The following CABLES1 variants were observed in gnomAD, a reference collection of about 807,000 sequenced individuals.
CABLES1 encodes CDK5 and ABL1 enzyme substrate 1.
CABLES1 carries 36 observed loss-of-function variants against 57.8 expected under a neutral mutation model. The observed-to-expected ratio is 0.62, with a 90% CI of 0.48 to 0.82. The LOEUF (loss-of-function observed/expected upper bound fraction) is 0.82, where lower values mean the gene tolerates loss of function less well. CABLES1 is among the 40% of genes least tolerant of loss of function. The pLI, the probability that CABLES1 is intolerant of heterozygous loss-of-function variation, is 0.00. For missense variants in CABLES1, 767 were observed against 836.6 expected (o/e 0.92, Z 1.03); for synonymous variants, 374 against 363.0 (o/e 1.03, Z -0.35).
At chr18:23,171,087 C>T (rs906244470) in intron 1 of CABLES1, among the ~76,000 whole-genome samples, 3 of 152,214 alleles carry the variant, frequency 2.0e-5, no homozygotes, top group Non-Finnish European at 1.5e-5. Flanking sequence ...TGAGCCACTG[C>T]GCCCGGCCTG....
intron 4 of CABLES1, among the ~76,000 whole-genome samples, chr18:23,216,415 CT>C (rs2145056337): frequency 6.6e-6 from 1 of 152,268 alleles, no homozygotes; most frequent in East Asian, 1.9e-4. Flanking sequence ...CGAAATGGAG[CT>C]TTTCTGGTAT....
At chr18:23,145,430 T>C (rs970437223) in intron 1 of CABLES1, among the ~76,000 whole-genome samples, 1 of 152,212 alleles carries the variant, frequency 6.6e-6, no homozygotes, top group Non-Finnish European at 1.5e-5. Context: ...CTTTGGGGGC[T>C]GTGCAAAATG....
intron 3 of CABLES1, among the ~76,000 whole-genome samples, chr18:23,212,747 G>A (rs962166215): frequency 6.6e-5 from 10 of 152,118 alleles, no homozygotes; most frequent in African/African-American, 2.4e-4. Context: ...ACGTCTGAAT[G>A]GGGAATTGGA....
chr18:23,221,513 A>G (rs1327286747), intron 4 of CABLES1, among the ~76,000 whole-genome samples: 1 of 152,198 alleles, frequency 6.6e-6, no homozygotes, highest in Non-Finnish European at 1.5e-5. Context: ...GGTACCTTAC[A>G]GGATTTCCAG....
chr18:23,156,031 T>C, intron 1 of CABLES1: 1 of 1,511,622 alleles, frequency 6.6e-7, no homozygotes. Context: ...ATGCTGACGG[T>C]CTTTGTTGGA....
At chr18:23,245,336 C>T (rs1308691909) in intron 7 of CABLES1, among the ~76,000 whole-genome samples, 2 of 152,004 alleles carry the variant, frequency 1.3e-5, no homozygotes, top group Non-Finnish European at 2.9e-5. Flanking sequence ...GGCGAAACCC[C>T]ATCTCTACCA....
At chr18:23,205,366 G>A (rs1030153600) in intron 3 of CABLES1, among the ~76,000 whole-genome samples, 2 of 151,818 alleles carry the variant, frequency 1.3e-5, no homozygotes, top group Non-Finnish European at 2.9e-5. Context: ...GCTAATTTTT[G>A]TATTTTTAGT....
intron 3 of CABLES1, among the ~76,000 whole-genome samples, chr18:23,213,756 G>A (rs956688390): frequency 6.6e-6 from 1 of 152,234 alleles, no homozygotes; most frequent in African/African-American, 2.4e-5. Context: ...CCTTGCTGGT[G>A]TCTCACATGT....
chr18:23,172,901 G>A (rs1159679257), intron 1 of CABLES1, among the ~76,000 whole-genome samples: 1 of 152,194 alleles, frequency 6.6e-6, no homozygotes, highest in African/African-American at 2.4e-5. Flanking sequence ...ACCTCGGATT[G>A]GGGTATTGTC....
At chr18:23,169,985 G>C (rs1027702751) in intron 1 of CABLES1, among the ~76,000 whole-genome samples, 5 of 152,146 alleles carry the variant, frequency 3.3e-5, no homozygotes, top group Admixed American at 6.5e-5. Flanking sequence ...CCGCGTGGGA[G>C]GGGGTAGGAT....
chr18:23,212,928 C>T (rs911260884), intron 3 of CABLES1, among the ~76,000 whole-genome samples: 14 of 152,052 alleles, frequency 9.2e-5, no homozygotes, highest in African/African-American at 3.4e-4. Flanking sequence ...TATAAAACAG[C>T]AGGATAGGAT....
intron 1 of CABLES1, among the ~76,000 whole-genome samples, chr18:23,158,854 T>A (rs1002129592): frequency 6.6e-6 from 1 of 152,346 alleles, no homozygotes. Context: ...CCTGTAGCAC[T>A]ATCTCAACAG....
At chr18:23,237,560 C>T (rs2047634348) in intron 7 of CABLES1, among the ~76,000 whole-genome samples, 1 of 152,248 alleles carries the variant, frequency 6.6e-6, no homozygotes, top group African/African-American at 2.4e-5. Flanking sequence ...GAGGACCAGG[C>T]CCATCCCTGG....
chr18:23,177,723 T>A (rs2047134984), intron 1 of CABLES1, among the ~76,000 whole-genome samples: 1 of 152,138 alleles, frequency 6.6e-6, no homozygotes, highest in South Asian at 2.1e-4. Flanking sequence ...TCAGGCCCCC[T>A]GCCATGGCCT....
chr18:23,194,014 AG>A (rs2047264229), intron 2 of CABLES1, among the ~76,000 whole-genome samples: 1 of 152,218 alleles, frequency 6.6e-6, no homozygotes, highest in South Asian at 2.1e-4. Flanking sequence ...TTGTTGCAGA[AG>A]AAAAATGATT....
intron 1 of CABLES1, among the ~76,000 whole-genome samples, chr18:23,180,893 G>A (rs2047160852): frequency 1.3e-5 from 2 of 152,176 alleles, no homozygotes; most frequent in Non-Finnish European, 2.9e-5. Context: ...CGCCCAGAAA[G>A]TCAGAGATTC....
At chr18:23,239,132 C>T (rs1019665703) in intron 7 of CABLES1, among the ~76,000 whole-genome samples, 2 of 152,196 alleles carry the variant, frequency 1.3e-5, no homozygotes, top group African/African-American at 4.8e-5. Flanking sequence ...TTCCAGGCCG[C>T]AGTATGTGTG....
chr18:23,154,073 A>G (rs1027150636), intron 1 of CABLES1, among the ~76,000 whole-genome samples: 3 of 152,192 alleles, frequency 2.0e-5, no homozygotes, highest in African/African-American at 7.2e-5. Context: ...CATTTATTCA[A>G]TTTCAGTTGA....
chr18:23,257,442 A>T lies in CABLES1; in HGVS notation c.*75A>T. On this transcript the variant is annotated 3_prime_UTR_variant, in exon 10 of 10. Transcript: ENST00000256925. ...CAGCACTTACTTACTACTGGAAATGAAAAAAAGTAGAACTCAGAATACCAG... is the reference window on the plus strand; with the variant it reads ...CAGCACTTACTTACTACTGGAAATGTAAAAAAGTAGAACTCAGAATACCAG... The T allele has an allele frequency of 6.9e-7, 1 of 1,458,298 alleles. No homozygotes were observed. Among genetic ancestry groups the T allele is most frequent in the Non-Finnish European group, 9.2e-7 (1 of 1,090,488 alleles). 90.3% of individuals were successfully genotyped at this position (1,458,298 alleles called of 1,614,324 possible).
Sources: allele counts gnomAD v4.1 joint callset (sites outside exome capture counted in the v4.1 genomes callset), GRCh38; gene constraint gnomAD v4.1.1; transcripts MANE v1.5; gene names NCBI Gene and HGNC (gene_info 2026-07-23, HGNC 2026-07-21).